RALGPS2: variants seen among roughly 807,000 people sequenced by gnomAD.
RALGPS2 encodes Ral GEF with PH domain and SH3 binding motif 2.
Under a neutral mutation model 86.8 loss-of-function variants are expected in RALGPS2, and 43 were observed. That is an observed-to-expected ratio of 0.50 (90% CI 0.39 to 0.64). RALGPS2 has a LOEUF of 0.64. Among genes scored for constraint, RALGPS2 ranks in the 30% least tolerant of loss-of-function variants. The pLI, the probability that RALGPS2 is intolerant of heterozygous loss-of-function variation, is 0.00. For missense variants in RALGPS2, 536 were observed against 694.6 expected (o/e 0.77, Z 2.57); for synonymous variants, 243 against 231.3 (o/e 1.05, Z -0.46).
At chr1:178,762,605 G>C (rs1429894862) in intron 1 of RALGPS2, among the ~76,000 whole-genome samples, 1 of 152,140 alleles carries the variant, frequency 6.6e-6, no homozygotes, top group Non-Finnish European at 1.5e-5. Flanking sequence ...TCTAATGATA[G>C]TAATGTTGAG....
chr1:178,865,113 G>A (rs199920441), intron 8 of RALGPS2: 4 of 1,578,738 alleles, frequency 2.5e-6, no homozygotes, highest in East Asian at 2.2e-5. Flanking sequence ...TTAGGAATAT[G>A]TTGTGGCACC....
intron 8 of RALGPS2, chr1:178,865,338 T>G: frequency 6.2e-7 from 1 of 1,614,096 alleles, no homozygotes. Flanking sequence ...TCAAGTGAAT[T>G]ATCCCTCTTA....
In RALGPS2 at chr1:178,762,648, G is replaced by A. The variant is rs566434351; in HGVS notation, c.-83-14034G>A. On this transcript the variant is annotated intron_variant, in intron 1 of 19. Coordinates refer to ENST00000367635, the MANE Select transcript of RALGPS2 (RefSeq NM_152663.5). ...TCATATGCTTATTGCCCATATTTAG[G>A]TCTTTTGAGAAGTATCTGTTCATGT... 1.0e-3 allele frequency among the ~76,000 whole-genome samples: 157 copies of A among 152,150 alleles called. 1 individual carries two copies. In the Middle Eastern group the frequency reaches 0.027, roughly 26 times the overall value.
At chr1:178,874,906 G>A (rs12132452) in intron 8 of RALGPS2, among the ~76,000 whole-genome samples, 6,860 of 152,158 alleles carry the variant, frequency 0.045, 157 homozygotes, top group Non-Finnish European at 0.057. Flanking sequence ...ATGAGCCACC[G>A]TTCCCGGCAA....
intron 19 of RALGPS2, among the ~76,000 whole-genome samples, chr1:178,915,483 CCTCAGCCTCCCAA>C (rs1406225207): frequency 6.6e-6 from 1 of 152,206 alleles, no homozygotes; most frequent in Non-Finnish European, 1.5e-5. Flanking sequence ...GATCTGCCTG[CCTCAGCCTCCCAA>C]AGTGCTGGGA....
intron 7 of RALGPS2, among the ~76,000 whole-genome samples, chr1:178,826,858 A>G (rs1481281377): frequency 6.6e-6 from 1 of 152,218 alleles, no homozygotes; most frequent in African/African-American, 2.4e-5. Context: ...TAAGACCTAT[A>G]TGCAGAAAGT....
chr1:178,776,691 A>G lies in RALGPS2; in HGVS notation c.-74A>G. 1.8e-6 allele frequency: 2 copies of G among 1,102,998 alleles called. No individual in the cohort carries two copies. The highest frequency in any genetic ancestry group is 2.6e-6 in the Non-Finnish European group (2 of 768,350). 68.3% of individuals were successfully genotyped at this position (1,102,998 alleles called of 1,614,324 possible). On this transcript the variant is annotated 5_prime_UTR_variant, in exon 2 of 20. Coordinates refer to ENST00000367635, the MANE Select transcript of RALGPS2 (RefSeq NM_152663.5). The stretch of plus-strand genomic sequence containing the variant: ...TTTTTTTTTTTTACAGGAATAATGT[A>G]TTTGTGGCCTTGGACATGAGGCAGT...
At chr1:178,869,445 G>A (rs1220384468) in intron 8 of RALGPS2, among the ~76,000 whole-genome samples, 1 of 152,062 alleles carries the variant, frequency 6.6e-6, no homozygotes, top group African/African-American at 2.4e-5. Flanking sequence ...TTTAAGAAAA[G>A]GATAAATAGT....
At chr1:178,916,200 C>T in intron 19 of RALGPS2, 130 bp from the exon 20 acceptor site, 1 of 687,308 alleles carries the variant, frequency 1.5e-6, no homozygotes, top group Non-Finnish European at 2.4e-6. Flanking sequence ...ATTGAAGCTC[C>T]TTATATCAAG....
intron 18 of RALGPS2, among the ~76,000 whole-genome samples, chr1:178,903,131 G>A (rs1268523441): frequency 6.6e-6 from 1 of 152,078 alleles, no homozygotes; most frequent in Non-Finnish European, 1.5e-5. Context: ...ACTTTCAGCA[G>A]TTCACAACTG....
rs148319175 is a variant in RALGPS2 at position 178,903,332 on chromosome 1, A to G, written c.1630+1121A>G. Among the ~76,000 whole-genome samples the G allele has an allele frequency of 5.9e-3, 897 of 152,286 alleles. 38 individuals carry two copies. The highest frequency in any genetic ancestry group is 0.053 in the Admixed American group (811 of 15,286). ...TTTTAGATTAAGTAGATTGATTTACAGAATAAATACACCCTACTCAACATT... is the reference window on the plus strand; with the variant it reads ...TTTTAGATTAAGTAGATTGATTTACGGAATAAATACACCCTACTCAACATT... On this transcript the variant is annotated intron_variant, in intron 18 of 19. Transcript: ENST00000367635.
In RALGPS2 at chr1:178,918,822, C is replaced by G. The variant is rs573401024; in HGVS notation, c.*2463C>G. On this transcript the variant is annotated 3_prime_UTR_variant, in exon 20 of 20. Transcript: ENST00000367635. The stretch of plus-strand genomic sequence containing the variant: ...TACCAAATAATACCTGATAATAATT[C>G]AAAGAAAATATGTTACCAAAATATA... 6.6e-6 allele frequency: 1 copy of G among 151,992 alleles called. No individual in the cohort carries two copies. The highest frequency in any genetic ancestry group is 1.9e-4 in the East Asian group (1 of 5,184). The allele number at this position is 151,992 out of a possible 1,614,324, so 9.4% of individuals were successfully genotyped here.
chr1:178,814,837 C>CCTG (rs1655152309), intron 6 of RALGPS2, among the ~76,000 whole-genome samples: 2 of 152,184 alleles, frequency 1.3e-5, no homozygotes, highest in African/African-American at 4.8e-5. Flanking sequence ...ATGCCTGTTG[C>CCTG]TCCACATCCA....
At position 178,902,154 on chromosome 1, in the gene RALGPS2, A is replaced by T; in HGVS notation, c.1573A>T (p.Met525Leu). 6.2e-7 allele frequency: 1 copy of T among 1,613,126 alleles called. No individual in the cohort carries two copies. Among genetic ancestry groups the T allele is most frequent in the African/African-American group, 1.3e-5 (1 of 74,974 alleles). Residue 525 changes from methionine (M) to leucine (L), a missense_variant, in exon 18 of 20, where the codon ATG becomes TTG. By Grantham distance (15) the Met-to-Leu change is conservative. Coordinates refer to ENST00000367635, the MANE Select transcript of RALGPS2 (RefSeq NM_152663.5). ...CGTATCTGTGATAGGATGGATGGTGATGATGGCTGATGACCCTGAACATCC... is the reference window on the plus strand; with the variant it reads ...CGTATCTGTGATAGGATGGATGGTGTTGATGGCTGATGACCCTGAACATCC... ...KNVSVIGWMVMMADDPEHPDL... is the reference protein window; with the variant it reads ...KNVSVIGWMVLMADDPEHPDL...
chr1:178,906,927 TC>T, intron 19 of RALGPS2, 60 bp downstream of exon 19: 1 of 1,473,352 alleles, frequency 6.8e-7, no homozygotes, highest in South Asian at 1.2e-5. Context: ...GTAAAAGAGT[TC>T]CAAGAGAAGT....
intron 17 of RALGPS2, among the ~76,000 whole-genome samples, chr1:178,901,658 A>G (rs1660178571): frequency 6.6e-6 from 1 of 151,632 alleles, no homozygotes; most frequent in Non-Finnish European, 1.5e-5. Context: ...ACTGCACCAC[A>G]GCCTGGGCAA....
chr1:178,892,192 T>A (rs755566878), intron 14 of RALGPS2, 38 bp from the exon 15 acceptor site: 68 of 1,545,362 alleles, frequency 4.4e-5, no homozygotes, highest in Middle Eastern at 1.7e-4. Flanking sequence ...TGAATAAAAG[T>A]ATATGTAATA....
chr1:178,739,614 A>G (rs969866293), intron 1 of RALGPS2, among the ~76,000 whole-genome samples: 4 of 152,218 alleles, frequency 2.6e-5, no homozygotes, highest in Non-Finnish European at 4.4e-5. Flanking sequence ...ATGAGGTGGG[A>G]CTAAATATTC....
In RALGPS2 at chr1:178,920,967, G is replaced by A. The variant is rs1647278248; in HGVS notation, c.*4608G>A. The stretch of plus-strand genomic sequence containing the variant: ...AAATATCTCTAATATATAAGTTAAA[G>A]GAAAGTTAAGAGACTAAGCTAGTTT... On this transcript the variant is annotated 3_prime_UTR_variant, in exon 20 of 20. Transcript: ENST00000367635. 6.6e-6 allele frequency: 1 copy of A among 151,940 alleles called. No individual in the cohort carries two copies. Among genetic ancestry groups the A allele is most frequent in the South Asian group, 2.1e-4 (1 of 4,822 alleles). The allele number at this position is 151,940 out of a possible 1,614,324, so 9.4% of individuals were successfully genotyped here. A position where few individuals can be genotyped will look rare whatever the true frequency, so the allele number is the denominator to read the frequency against.
Sources: gnomAD v4.1 joint callset for allele counts (sites outside exome capture counted in the v4.1 genomes callset) on GRCh38, gnomAD v4.1.1 for gene constraint, MANE v1.5 for transcripts, NCBI Gene and HGNC (gene_info 2026-07-23, HGNC 2026-07-21) for gene names.